The following GOLM1 variants were observed in gnomAD, a reference collection of about 807,000 sequenced individuals.
The protein encoded by GOLM1 is epididymis luminal protein 46.
GOLM1 carries 31 observed loss-of-function variants against 50.5 expected under a neutral mutation model. The ratio of observed to expected loss-of-function variants is 0.61; its 90% CI spans 0.46 to 0.83. The LOEUF is 0.83. Among genes scored for constraint, GOLM1 ranks in the 40% least tolerant of loss-of-function variants. GOLM1 has a pLI of 0.00. For synonymous variants in GOLM1, 178 were observed against 192.8 expected (o/e 0.92, Z 0.64); for missense variants, 491 against 501.3 (o/e 0.98, Z 0.20).
chr9:86,058,648 A>T (rs1160481283), intron 3 of GOLM1, among the ~76,000 whole-genome samples: 1 of 145,004 alleles, frequency 6.9e-6, no homozygotes, highest in Non-Finnish European at 1.5e-5. Flanking sequence ...GTGAGCTGAG[A>T]TCATGCCACT....
At chr9:86,065,465 G>A (rs768454795) in intron 3 of GOLM1, among the ~76,000 whole-genome samples, 1 of 152,196 alleles carries the variant, frequency 6.6e-6, no homozygotes, top group Non-Finnish European at 1.5e-5. Flanking sequence ...GCACAAGATC[G>A]CTTTGGTTCC....
At chr9:86,074,235 T>TAAAAAA (rs11333722) in intron 3 of GOLM1, among the ~76,000 whole-genome samples, 1 of 121,448 alleles carries the variant, frequency 8.2e-6, no homozygotes, top group Non-Finnish European at 1.8e-5. Flanking sequence ...TTCTAAGATT[T>TAAAAAA]AAAAAAAAAA....
At chr9:86,041,482 G>A (rs753738533) in intron 5 of GOLM1, among the ~76,000 whole-genome samples, 1 of 152,182 alleles carries the variant, frequency 6.6e-6, no homozygotes, top group Non-Finnish European at 1.5e-5. Context: ...CAGAAGGCTT[G>A]GGGAGCTTTC....
chr9:86,078,024 A>G (rs1261444824), intron 2 of GOLM1: 2 of 163,502 alleles, frequency 1.2e-5, no homozygotes, highest in African/African-American at 2.4e-5. Flanking sequence ...CCCAGAGAAC[A>G]GGAACTCCCG....
intron 1 of GOLM1, 68 bp downstream of exon 1, chr9:86,099,343 T>A (rs1232964834): frequency 6.6e-6 from 1 of 151,374 alleles, no homozygotes; most frequent in African/African-American, 2.4e-5. Context: ...GTACGGGCCC[T>A]GGGCAAAGGA....
At chr9:86,038,196 A>C (rs1168563342) in intron 6 of GOLM1, among the ~76,000 whole-genome samples, 4 of 151,680 alleles carry the variant, frequency 2.6e-5, no homozygotes, top group Non-Finnish European at 5.9e-5. Flanking sequence ...AACCTGCCCC[A>C]GTCATAAGGG....
intron 3 of GOLM1, among the ~76,000 whole-genome samples, chr9:86,074,584 G>A (rs567667549): frequency 3.3e-5 from 5 of 152,330 alleles, no homozygotes; most frequent in Admixed American, 3.3e-4. Flanking sequence ...GTGTGCAGGG[G>A]TGGAGGCTGG....
At chr9:86,074,418 G>A (rs1344818498) in intron 3 of GOLM1, among the ~76,000 whole-genome samples, 1 of 152,150 alleles carries the variant, frequency 6.6e-6, no homozygotes, top group Non-Finnish European at 1.5e-5. Context: ...AGGTAAACAA[G>A]CTAGCATGCT....
intron 1 of GOLM1, among the ~76,000 whole-genome samples, chr9:86,087,289 T>C (rs1447452448): frequency 6.6e-6 from 1 of 152,238 alleles, no homozygotes; most frequent in Non-Finnish European, 1.5e-5. Context: ...TTTTGCACAT[T>C]GATTTTGTAT....
rs1163949882 is a variant in GOLM1 at position 86,036,402 on chromosome 9, T to C, written c.703A>G (p.Thr235Ala). The C allele has an allele frequency of 1.9e-6, 3 of 1,614,056 alleles. No individual in the cohort carries two copies. Among genetic ancestry groups the C allele is most frequent in the African/African-American group, 1.3e-5 (1 of 74,914 alleles). ...ACCACTTCGGAACTGGGGGCTGGTG[T>C]CTGGGACTTGCTGTTACCAAGCACG... The part of the protein sequence containing the change: ...GNVLGNSKSQ[T>A]PAPSSEVVLD... Residue 235 changes from threonine (T) to alanine (A), a missense_variant, in exon 7 of 10, where the codon ACA (threonine) becomes GCA (alanine). By Grantham distance (58) the Thr-to-Ala change is moderately conservative (BLOSUM62 0). Coordinates refer to ENST00000388712, the MANE Select transcript of GOLM1 (RefSeq NM_016548.4).
intron 3 of GOLM1, among the ~76,000 whole-genome samples, chr9:86,058,116 A>G (rs1480501627): frequency 6.6e-6 from 1 of 152,248 alleles, no homozygotes; most frequent in Non-Finnish European, 1.5e-5. Flanking sequence ...TGAAGGGAAG[A>G]ATATCAAGTA....
chr9:86,082,277 C>T (rs11141215), intron 1 of GOLM1, among the ~76,000 whole-genome samples: 69,039 of 151,430 alleles, frequency 0.46, 16,870 homozygotes, highest in Non-Finnish European at 0.56. Flanking sequence ...CCGCCCGCCT[C>T]GGCCTCCCAA....
intron 3 of GOLM1, among the ~76,000 whole-genome samples, chr9:86,074,516 G>A (rs763847273): frequency 1.6e-4 from 24 of 152,140 alleles, no homozygotes; most frequent in Non-Finnish European, 3.1e-4. Flanking sequence ...CCACCTTGGC[G>A]CCCTTCAGGT....
intron 4 of GOLM1, among the ~76,000 whole-genome samples, chr9:86,051,119 G>A (rs1833734720): frequency 5.3e-5 from 8 of 152,084 alleles, no homozygotes; most frequent in Admixed American, 5.2e-4. Context: ...ATTTAGTTAT[G>A]TACCCAGTAG....
chr9:86,057,485 C>T (rs990727541), intron 3 of GOLM1, among the ~76,000 whole-genome samples: 4 of 152,006 alleles, frequency 2.6e-5, no homozygotes, highest in South Asian at 4.1e-4. Context: ...GAGTGCCTCC[C>T]GGCTCCCACC....
chr9:86,038,439 A>T (rs1413147052), intron 6 of GOLM1, among the ~76,000 whole-genome samples: 1 of 152,068 alleles, frequency 6.6e-6, no homozygotes, highest in Non-Finnish European at 1.5e-5. Context: ...AGCCTAACTG[A>T]CCTGGGGGAA....
At chr9:86,060,850 C>T (rs1028404574) in intron 3 of GOLM1, among the ~76,000 whole-genome samples, 2 of 120,164 alleles carry the variant, frequency 1.7e-5, no homozygotes, top group African/African-American at 3.2e-5. Context: ...TGCACTCCAG[C>T]CTGGGCAACA....
chr9:86,039,453 A>G (rs1015403426), intron 6 of GOLM1, among the ~76,000 whole-genome samples: 13 of 152,226 alleles, frequency 8.5e-5, no homozygotes, highest in African/African-American at 3.1e-4. Context: ...CCTAGGTATT[A>G]ACCAAGAGAA....
intron 1 of GOLM1, among the ~76,000 whole-genome samples, chr9:86,095,054 G>A (rs1300620342): frequency 2.1e-5 from 3 of 146,122 alleles, no homozygotes; most frequent in African/African-American, 7.7e-5. Context: ...TTGCTCTCCA[G>A]CCTGGGCAAA....
Sources: gnomAD v4.1 joint callset for allele counts (sites outside exome capture counted in the v4.1 genomes callset) on GRCh38, gnomAD v4.1.1 for gene constraint, MANE v1.5 for transcripts, NCBI Gene and HGNC (gene_info 2026-07-23, HGNC 2026-07-21) for gene names.